The following PITRM1 variants were observed in gnomAD, a reference collection of about 807,000 sequenced individuals.
PITRM1 encodes the protein pitrilysin metallopeptidase 1, also known as presequence protease, mitochondrial.
Under a neutral mutation model 129.9 loss-of-function variants are expected in PITRM1, and 100 were observed. The ratio of observed to expected loss-of-function variants is 0.77; its 90% CI spans 0.65 to 0.91. The LOEUF is 0.91. Ranked by LOEUF, PITRM1 falls within the 40% of genes least tolerant of loss-of-function variation. The pLI is 0.00. For missense variants in PITRM1, 1,471 were observed against 1,318.3 expected (o/e 1.12, Z -1.79); for synonymous variants, 591 against 508.8 (o/e 1.16, Z -2.17).
intron 15 of PITRM1, 183 bp downstream of exon 15, chr10:3,151,064 T>A (rs1841466021): frequency 1.8e-6 from 1 of 563,866 alleles, no homozygotes; most frequent in Non-Finnish European, 3.2e-6. Context: ...TGAAGGAGTC[T>A]ATCACCACCG....
rs923969348 is a variant in PITRM1, at chr10:3,147,351, G to A, written c.2236-101C>T. The A allele has an allele frequency of 2.3e-5, 24 of 1,025,998 alleles. No individual in the cohort carries two copies. In the African/African-American group the frequency reaches 3.1e-4, roughly 13 times the overall value. 63.6% of individuals were successfully genotyped at this position (1,025,998 alleles called of 1,614,324 possible). A position where few individuals can be genotyped will look rare whatever the true frequency, so the allele number is the denominator to read the frequency against. ...ACATCAGAACCCTGCTTGGGCAGGG[G>A]TTATGTGTGCGAGTGCACGGCTTGG... On this transcript the variant is annotated intron_variant, in intron 19 of 26. Transcript: ENST00000224949.
At chr10:3,165,376 A>G in intron 5 of PITRM1, 37 bp downstream of exon 5, 8 of 1,600,448 alleles carry the variant, frequency 5.0e-6, no homozygotes, top group East Asian at 2.2e-5. Flanking sequence ...CTCAAATACT[A>G]AAGTCTGTAT....
rs1263447872 is a variant in PITRM1 at position 3,157,310 on chromosome 10, G to GGGT, written c.1347+124_1347+125insACC. 7.7e-6 allele frequency: 5 copies of GGGT among 650,418 alleles called. No homozygotes were observed. The African/African-American group carries it at 9.4e-5, about 12-fold the overall frequency. The allele number at this position is 650,418 out of a possible 1,614,324, so 40.3% of individuals were successfully genotyped here. ...TTAGGAAATAACCAACAGATTACTA[G>GGGT]TTATAAACCCTTACCCATTTAAAGT... On this transcript the variant is annotated intron_variant, in intron 12 of 26. Coordinates refer to ENST00000224949, the MANE Select transcript of PITRM1 (RefSeq NM_014889.4).
intron 24 of PITRM1, among the ~76,000 whole-genome samples, chr10:3,139,887 A>G (rs1840005808): frequency 6.6e-6 from 1 of 152,180 alleles, no homozygotes. Context: ...ATAGAAAATC[A>G]AGAATATTGC....
intron 23 of PITRM1, among the ~76,000 whole-genome samples, chr10:3,142,764 C>T (rs762917977): frequency 7.9e-5 from 12 of 152,210 alleles, no homozygotes; most frequent in Non-Finnish European, 1.2e-4. Context: ...GGTGGGGAGA[C>T]AGGGGAGACA....
intron 14 of PITRM1, 25 bp downstream of exon 14, chr10:3,155,566 G>T: frequency 6.2e-7 from 1 of 1,613,008 alleles, no homozygotes; most frequent in Non-Finnish European, 8.5e-7. Context: ...TTAGGGACTC[G>T]CCAGCTCGGA....
intron 7 of PITRM1, 176 bp downstream of exon 7, chr10:3,163,549 A>C: frequency 1.8e-6 from 1 of 543,048 alleles, no homozygotes; most frequent in South Asian, 2.3e-5. Flanking sequence ...TATCATTGTA[A>C]ATGTCCAAAA....
intron 6 of PITRM1, 32 bp from the exon 7 acceptor site, chr10:3,163,917 T>A: frequency 2.7e-6 from 4 of 1,498,280 alleles, no homozygotes; most frequent in Non-Finnish European, 3.7e-6. Context: ...ATCATAAGTA[T>A]ACATGTAAAA....
At chr10:3,157,553 A>T (rs1842078706) in intron 11 of PITRM1, 22 bp from the exon 12 acceptor site, 1 of 1,460,654 alleles carries the variant, frequency 6.8e-7, no homozygotes, top group Admixed American at 1.7e-5. Context: ...AATGAAGAAC[A>T]AAGATGGGCC....
chr10:3,147,541 G>C (rs186642179), intron 19 of PITRM1, 31 bp downstream of exon 19: 2 of 1,606,800 alleles, frequency 1.2e-6, no homozygotes, highest in Non-Finnish European at 1.7e-6. Flanking sequence ...GGCTAAACCG[G>C]AGTAATAGAG....
At chr10:3,152,461 C>G (rs1200656825) in intron 14 of PITRM1, among the ~76,000 whole-genome samples, 1 of 152,246 alleles carries the variant, frequency 6.6e-6, no homozygotes, top group Admixed American at 6.5e-5. Context: ...GAGCGTGCCA[C>G]GCACTTAGAC....
intron 4 of PITRM1, 148 bp from the exon 5 acceptor site, chr10:3,165,675 C>T (rs1308223153): frequency 8.1e-6 from 5 of 618,348 alleles, no homozygotes; most frequent in Non-Finnish European, 1.1e-5. Context: ...TGGTCCCTGG[C>T]CTCAGCAGCT....
At chr10:3,163,033 G>A (rs1018027315) in intron 7 of PITRM1, 41 of 152,260 alleles carry the variant, frequency 2.7e-4, no homozygotes, top group African/African-American at 9.4e-4. Context: ...ACGGGCAAAT[G>A]ATCATGACGT....
rs562383375 is a variant in PITRM1 at position 3,158,466 on chromosome 10, T to C, written c.1137-313A>G. On this transcript the variant is annotated intron_variant, in intron 10 of 26. Transcript: ENST00000224949. The stretch of plus-strand genomic sequence containing the variant: ...TCTGGAGGCTGAGGCAGGAGAATGG[T>C]GTGAACCCGGGAGGTGGAGCTTGCA... Among the ~76,000 whole-genome samples, 426 of 152,192 alleles carry C rather than the reference T, an allele frequency of 2.8e-3. 2 individuals carry two copies. Among genetic ancestry groups the C allele is most frequent in the African/African-American group, 9.9e-3 (413 of 41,524 alleles).
intron 19 of PITRM1, 149 bp from the exon 20 acceptor site, chr10:3,147,399 G>T: frequency 1.1e-6 from 1 of 934,798 alleles, no homozygotes; most frequent in Non-Finnish European, 1.7e-6. Flanking sequence ...CTGGGATGCA[G>T]GGTGGTACAA....
chr10:3,158,009 A>G, intron 11 of PITRM1, 31 bp downstream of exon 11: 1 of 1,352,698 alleles, frequency 7.4e-7, no homozygotes, highest in South Asian at 1.2e-5. Context: ...TGAGGAACGA[A>G]AGCAGATTGT....
chr10:3,168,878 G>A (rs1843102657), intron 2 of PITRM1, among the ~76,000 whole-genome samples: 1 of 151,028 alleles, frequency 6.6e-6, no homozygotes, highest in Non-Finnish European at 1.5e-5. Context: ...CTTGAACCCA[G>A]GAGTTTGAGA....
intron 20 of PITRM1, 52 bp from the exon 21 acceptor site, chr10:3,145,768 A>G: frequency 7.5e-7 from 1 of 1,333,342 alleles, no homozygotes; most frequent in Non-Finnish European, 1.1e-6. Context: ...AAACAGTTTT[A>G]GTAATTCATC....
rs1272699781 is a variant in PITRM1, at chr10:3,160,240, G to A, written c.882C>T (p.Ser294=). Residue 294 remains serine (S), a synonymous_variant, in exon 8 of 27, where the codon AGC becomes AGT. Transcript: ENST00000224949. The part of the protein sequence containing the change: ...ALSKFQKIEP[S]TVVPAQTPWD... ...AGGGTGTCTGAGCTGGCACCACGGT[G>A]CTTGGTTCAATTTTCTGGAATTTGC... 1 of 1,613,814 alleles carries A rather than the reference G, an allele frequency of 6.2e-7. No individual in the cohort carries two copies. Among genetic ancestry groups the A allele is most frequent in the Non-Finnish European group, 8.5e-7 (1 of 1,179,846 alleles).
Sources: gnomAD v4.1 joint callset for allele counts (sites outside exome capture counted in the v4.1 genomes callset) on GRCh38, gnomAD v4.1.1 for gene constraint, MANE v1.5 for transcripts, NCBI Gene and HGNC (gene_info 2026-07-23, HGNC 2026-07-21) for gene names.